Variants in PPFIA1 observed in about 807,000 individuals in gnomAD.
The protein encoded by PPFIA1 is liprin-alpha-1.
A neutral mutation model predicts 149.9 loss-of-function variants in PPFIA1; 25 were observed. The ratio of observed to expected loss-of-function variants is 0.17; its 90% CI spans 0.12 to 0.23. PPFIA1 has a LOEUF of 0.23. Among genes scored for constraint, PPFIA1 ranks in the 10% least tolerant of loss-of-function variants. The pLI is 1.00. For synonymous variants in PPFIA1, 549 were observed against 552.8 expected (o/e 0.99, Z 0.10); for missense variants, 1,362 against 1,506.5 (o/e 0.90, Z 1.59).
intron 16 of PPFIA1, among the ~76,000 whole-genome samples, chr11:70,353,220 TTCAAACTGAGCCCAGTG>T (rs2056171724): frequency 6.6e-6 from 1 of 152,108 alleles, no homozygotes; most frequent in Non-Finnish European, 1.5e-5. Context: ...GAAGCAGAAA[TTCAAACTGAGCCCAGTG>T]GTACGTGCTT....
At chr11:70,283,905 C>G (rs1484156540) in intron 2 of PPFIA1, 1 of 475,460 alleles carries the variant, frequency 2.1e-6, no homozygotes, top group East Asian at 6.8e-5. Context: ...AAAGAATTAT[C>G]TGGCCCCAAA....
rs975442886 is a variant in PPFIA1, at chr11:70,370,872, G to C, written c.2866-1343G>C. 3.3e-5 allele frequency among the ~76,000 whole-genome samples: 5 copies of C among 152,130 alleles called. 1 individual carries two copies. The highest frequency in any genetic ancestry group is 3.3e-4 in the Admixed American group (5 of 15,276). On this transcript the variant is annotated intron_variant, in intron 21 of 27. Coordinates refer to ENST00000253925, the MANE Select transcript of PPFIA1 (RefSeq NM_003626.5). ...GGTGGGGCAGCAGTGGCTCACGCCT[G>C]TAATCCTAGCGGTTTGGGAGGCCAA...
At chr11:70,293,942 C>CTCT (rs1555084114) in intron 2 of PPFIA1, among the ~76,000 whole-genome samples, 4 of 128,128 alleles carry the variant, frequency 3.1e-5, no homozygotes, top group African/African-American at 9.1e-5. Context: ...CTCTCTCTCT[C>CTCT]TTTTTTTTTT....
At chr11:70,351,151 T>C (rs899597103) in intron 16 of PPFIA1, 1 of 383,560 alleles carries the variant, frequency 2.6e-6, no homozygotes, top group Admixed American at 5.8e-5. Flanking sequence ...TTAATGGAAG[T>C]GTTTAAAGTG....
intron 2 of PPFIA1, among the ~76,000 whole-genome samples, chr11:70,304,691 T>TA (rs1288624060): frequency 6.6e-6 from 1 of 152,078 alleles, no homozygotes; most frequent in African/African-American, 2.4e-5. Context: ...GTGGGATTGA[T>TA]ACACTCTCCA....
In PPFIA1 at chr11:70,332,102, C is replaced by A; in HGVS notation, c.1212+8C>A. On this transcript the variant is annotated splice_region_variant and intron_variant, in intron 9 of 27. Coordinates refer to ENST00000253925, the MANE Select transcript of PPFIA1 (RefSeq NM_003626.5). ...GTGGCAGCGCTTTCCAAGGTAGTGCCATGAGCTTCATTCTGGTTCGGCTGC... is the reference window on the plus strand; with the variant it reads ...GTGGCAGCGCTTTCCAAGGTAGTGCAATGAGCTTCATTCTGGTTCGGCTGC... 1.9e-6 allele frequency: 3 copies of A among 1,583,582 alleles called. No individual in the cohort carries two copies. The highest frequency in any genetic ancestry group is 2.3e-5 in the East Asian group (1 of 43,528).
chr11:70,312,874 G>A (rs2053378048), intron 2 of PPFIA1, among the ~76,000 whole-genome samples: 1 of 152,172 alleles, frequency 6.6e-6, no homozygotes, highest in Non-Finnish European at 1.5e-5. Flanking sequence ...CATGCAGCCG[G>A]GAAGTGAGGA....
chr11:70,276,255 C>T (rs2050375201), intron 2 of PPFIA1, among the ~76,000 whole-genome samples: 4 of 150,248 alleles, frequency 2.7e-5, no homozygotes, highest in African/African-American at 1.0e-4. Flanking sequence ...TATAGACGCA[C>T]GCCACTGCGC....
At chr11:70,287,668 G>A (rs1422743192) in intron 2 of PPFIA1, among the ~76,000 whole-genome samples, 1 of 151,658 alleles carries the variant, frequency 6.6e-6, no homozygotes, top group African/African-American at 2.4e-5. Context: ...TTTAGAGATG[G>A]GGTTTCACTC....
At chr11:70,343,238 C>T (rs919629602) in intron 14 of PPFIA1, among the ~76,000 whole-genome samples, 10 of 152,206 alleles carry the variant, frequency 6.6e-5, no homozygotes, top group African/African-American at 2.2e-4. Context: ...TGTGCCACCA[C>T]GCCTGGCGTG....
rs957674538 is a variant in PPFIA1, at chr11:70,354,102, G to A, written c.2164-199G>A. 5 of 553,818 alleles carry A rather than the reference G, an allele frequency of 9.0e-6. No homozygotes were observed. In the African/African-American group the frequency reaches 9.5e-5, roughly 11 times the overall value. The allele number at this position is 553,818 out of a possible 1,614,324, so 34.3% of individuals were successfully genotyped here. On this transcript the variant is annotated intron_variant, in intron 16 of 27. Transcript: ENST00000253925. ...TGTTGGGCCCCAGCGCACGCTCGTG[G>A]GGAGGCAGACCAGGAGTCTGACAAC... is the stretch of plus-strand genomic sequence containing the variant.
intron 16 of PPFIA1, among the ~76,000 whole-genome samples, chr11:70,350,830 T>A (rs1005298263): frequency 3.3e-5 from 5 of 152,136 alleles, no homozygotes; most frequent in Non-Finnish European, 7.4e-5. Context: ...ATATTTAAAT[T>A]TTTTGGTGAA....
chr11:70,351,138 G>A (rs1189807270), intron 16 of PPFIA1: 8 of 474,942 alleles, frequency 1.7e-5, no homozygotes, highest in Middle Eastern at 8.4e-4. Context: ...AATGGTTGGC[G>A]TTTTAATGGA....
chr11:70,300,060 G>A (rs935512002), intron 2 of PPFIA1, among the ~76,000 whole-genome samples: 1 of 129,076 alleles, frequency 7.7e-6, no homozygotes, highest in East Asian at 2.2e-4. Flanking sequence ...CCTTCCACCC[G>A]CCCCACAGAT....
intron 26 of PPFIA1, among the ~76,000 whole-genome samples, chr11:70,381,432 A>C (rs2057707573): frequency 6.6e-6 from 1 of 152,144 alleles, no homozygotes; most frequent in African/African-American, 2.4e-5. Context: ...TATGATTAAT[A>C]TTTCTGGTAG....
chr11:70,326,480 T>G, intron 6 of PPFIA1, 117 bp downstream of exon 6: 2 of 1,280,416 alleles, frequency 1.6e-6, no homozygotes, highest in East Asian at 4.6e-5. Flanking sequence ...GTCATGAAAG[T>G]TGTGTAATCC....
chr11:70,335,805 T>C, intron 11 of PPFIA1, 111 bp downstream of exon 11: 8 of 1,272,342 alleles, frequency 6.3e-6, no homozygotes, highest in South Asian at 1.3e-5. Context: ...TTACCGAAAA[T>C]GGGAATTATT....
chr11:70,348,824 T>C lies in PPFIA1; in HGVS notation c.2163+404T>C, dbSNP rs180704816. Among the ~76,000 whole-genome samples, 911 of 152,192 alleles carry C rather than the reference T, an allele frequency of 6.0e-3. 10 individuals carry two copies. The highest frequency in any genetic ancestry group is 0.02 in the African/African-American group (823 of 41,532). On this transcript the variant is annotated intron_variant, in intron 16 of 27. Coordinates refer to ENST00000253925, the MANE Select transcript of PPFIA1 (RefSeq NM_003626.5). ...AGGTCGAGGCTACAGTGAGCCATGA[T>C]TGCATCACTGCCCTCCAGCCTGGGC... is the stretch of plus-strand genomic sequence containing the variant.
intron 2 of PPFIA1, among the ~76,000 whole-genome samples, chr11:70,272,843 A>G (rs190638214): frequency 1.9e-3 from 288 of 152,368 alleles, no homozygotes; most frequent in African/African-American, 6.5e-3. Context: ...ATAGACAAAT[A>G]GGATTGATTT....
Sources: gnomAD v4.1 joint callset for allele counts (sites outside exome capture counted in the v4.1 genomes callset) on GRCh38, gnomAD v4.1.1 for gene constraint, MANE v1.5 for transcripts, NCBI Gene and HGNC (gene_info 2026-07-23, HGNC 2026-07-21) for gene names.